The following RGS6 variants were observed in gnomAD, a reference collection of about 807,000 sequenced individuals.
RGS6 encodes the protein regulator of G protein signaling 6.
A neutral mutation model predicts 78.5 loss-of-function variants in RGS6; 30 were observed. That is an observed-to-expected ratio of 0.38 (90% CI 0.29 to 0.52). RGS6 has a LOEUF of 0.52. Among genes scored for constraint, RGS6 ranks in the 20% least tolerant of loss-of-function variants. The pLI, the probability that RGS6 is intolerant of heterozygous loss-of-function variation, is 0.85. For missense variants in RGS6, 495 were observed against 609.7 expected, an observed-to-expected ratio of 0.81 and a Z score of 1.98; for synonymous variants, 206 against 206.0, an observed-to-expected ratio of 1.00 and a Z score of 0.00.
chr14:72,234,929 G>A (rs1423035584), intron 2 of RGS6, among the ~76,000 whole-genome samples: 1 of 152,158 alleles, frequency 6.6e-6, no homozygotes, highest in African/African-American at 2.4e-5. Flanking sequence ...GGGAAGAAAA[G>A]AGGAGAGGCA....
At chr14:72,345,234 A>G (rs2152702427) in intron 2 of RGS6, among the ~76,000 whole-genome samples, 1 of 152,326 alleles carries the variant, frequency 6.6e-6, no homozygotes, top group East Asian at 1.9e-4. Context: ...GGGAAAGACC[A>G]AGATGTTGGT....
chr14:72,268,437 C>A (rs1225649661), intron 2 of RGS6, among the ~76,000 whole-genome samples: 1 of 152,218 alleles, frequency 6.6e-6, no homozygotes. Context: ...GGCAATGAAA[C>A]TTCCTCCCTT....
the RGS6 span, among the ~76,000 whole-genome samples, chr14:71,878,717 G>A: frequency 1.3e-5 from 2 of 152,182 alleles, no homozygotes; most frequent in South Asian, 2.1e-4. Context: ...ACAAGCCCCA[G>A]TGAGATGAAC....
chr14:72,111,378 A>G (rs146351218), intron 2 of RGS6, among the ~76,000 whole-genome samples: 318 of 152,268 alleles, frequency 2.1e-3, no homozygotes, highest in African/African-American at 6.8e-3. Context: ...TGGCCATTCC[A>G]TGTGGAAGGG....
intron 2 of RGS6, among the ~76,000 whole-genome samples, chr14:72,170,417 T>G (rs112165927): frequency 2.6e-5 from 4 of 152,324 alleles, no homozygotes; most frequent in African/African-American, 9.6e-5. Flanking sequence ...GTCTTTTTCT[T>G]CTTCAACGGC....
intron 2 of RGS6, among the ~76,000 whole-genome samples, chr14:72,091,717 G>A (rs577557426): frequency 5.9e-5 from 9 of 152,138 alleles, no homozygotes; most frequent in Non-Finnish European, 1.2e-4. Flanking sequence ...GGTGGAGAGT[G>A]GAAGGGGCCA....
chr14:72,574,888 G>A, the RGS6 span, among the ~76,000 whole-genome samples: 136 of 152,250 alleles, frequency 8.9e-4, no homozygotes, highest in African/African-American at 3.0e-3. Context: ...TCATGATGGC[G>A]CAAACCAGGT....
intron 2 of RGS6, among the ~76,000 whole-genome samples, chr14:72,189,392 A>C (rs1279350586): frequency 2.0e-5 from 3 of 152,174 alleles, no homozygotes; most frequent in Non-Finnish European, 4.4e-5. Flanking sequence ...GAAGGGGGAG[A>C]GAGCGATCTT....
intron 2 of RGS6, among the ~76,000 whole-genome samples, chr14:72,097,976 G>A (rs1017373098): frequency 3.3e-5 from 5 of 152,162 alleles, no homozygotes; most frequent in Non-Finnish European, 7.3e-5. Flanking sequence ...TTTTTCCAAT[G>A]TCTGGTAGCA....
intron 2 of RGS6, among the ~76,000 whole-genome samples, chr14:72,039,150 A>C (rs1172300926): frequency 6.6e-6 from 1 of 152,242 alleles, no homozygotes; most frequent in Non-Finnish European, 1.5e-5. Flanking sequence ...TATTCATCTC[A>C]TACTCAGTGA....
chr14:72,079,154 T>C (rs2094711058), intron 2 of RGS6, among the ~76,000 whole-genome samples: 1 of 150,844 alleles, frequency 6.6e-6, no homozygotes, highest in Non-Finnish European at 1.5e-5. Flanking sequence ...AGAGGATATT[T>C]AGAGGGCCTT....
At chr14:72,608,391 G>A in the RGS6 span, among the ~76,000 whole-genome samples, 1 of 152,144 alleles carries the variant, frequency 6.6e-6, no homozygotes. Flanking sequence ...GACTCTAGGG[G>A]CAGATGTGTC....
intron 2 of RGS6, among the ~76,000 whole-genome samples, chr14:72,053,001 C>T (rs181478129): frequency 1.5e-4 from 16 of 109,328 alleles, no homozygotes; most frequent in East Asian, 3.0e-4. Flanking sequence ...CTCTCTCTCT[C>T]TCTCTTTCTT....
At chr14:72,362,594 A>G (rs1319925788) in intron 3 of RGS6, among the ~76,000 whole-genome samples, 2 of 152,164 alleles carry the variant, frequency 1.3e-5, no homozygotes, top group African/African-American at 2.4e-5. Context: ...GTCACCTTGT[A>G]TCTGCCAATA....
At chr14:72,505,597 A>G (rs183423548) in intron 13 of RGS6, among the ~76,000 whole-genome samples, 6 of 152,306 alleles carry the variant, frequency 3.9e-5, no homozygotes, top group Non-Finnish European at 7.4e-5. Flanking sequence ...CTTAGTTTAG[A>G]TATTGATTGA....
intron 17 of RGS6, among the ~76,000 whole-genome samples, chr14:72,548,652 C>G (rs1375368672): frequency 6.6e-6 from 1 of 151,990 alleles, no homozygotes; most frequent in Non-Finnish European, 1.5e-5. Context: ...GAGAGAAGAG[C>G]TAGAGAGAGA....
At chr14:72,445,686 C>T (rs182185325) in intron 3 of RGS6, among the ~76,000 whole-genome samples, 106 of 152,284 alleles carry the variant, frequency 7.0e-4, no homozygotes, top group African/African-American at 2.4e-3. Flanking sequence ...TTGAATACAA[C>T]TATCAACGAA....
At chr14:72,155,925 G>C (rs1260051996) in intron 2 of RGS6, among the ~76,000 whole-genome samples, 2 of 152,212 alleles carry the variant, frequency 1.3e-5, no homozygotes, top group East Asian at 3.8e-4. Context: ...AGGTTCAACT[G>C]GGAAAACGGC....
intron 2 of RGS6, among the ~76,000 whole-genome samples, chr14:71,981,512 CCCGGCCG>C (rs2094450933): frequency 6.6e-6 from 1 of 151,474 alleles, no homozygotes; most frequent in Non-Finnish European, 1.5e-5. Flanking sequence ...TGTTGGAATA[CCCGGCCG>C]TGTGAGGTGT....
Sources: allele counts gnomAD v4.1 joint callset (sites outside exome capture counted in the v4.1 genomes callset), GRCh38; gene constraint gnomAD v4.1.1; transcripts MANE v1.5; gene names NCBI Gene and HGNC (gene_info 2026-07-23, HGNC 2026-07-21).